The following STXBP5L variants were observed in gnomAD, a reference collection of about 807,000 sequenced individuals.
STXBP5L encodes syntaxin-binding protein 5-like.
STXBP5L carries 65 observed loss-of-function variants against 144.5 expected under a neutral mutation model. The observed-to-expected ratio is 0.45, with a 90% CI of 0.37 to 0.55. The LOEUF (loss-of-function observed/expected upper bound fraction) is 0.55. Ranked by LOEUF, STXBP5L falls within the 20% of genes least tolerant of loss-of-function variation. STXBP5L has a pLI of 0.00. For synonymous variants in STXBP5L, 505 were observed against 469.6 expected, an observed-to-expected ratio of 1.08 and a Z score of -0.97; for missense variants, 1,298 against 1,405.5, an observed-to-expected ratio of 0.92 and a Z score of 1.22.
At chr3:121,387,402 A>G (rs1008994520) in intron 22 of STXBP5L, among the ~76,000 whole-genome samples, 4 of 152,122 alleles carry the variant, frequency 2.6e-5, no homozygotes, top group African/African-American at 9.7e-5. Context: ...GAAGGTCTTT[A>G]GTTTAATTAG....
Position 121,407,609 on chromosome 3 carries a change from T to G in STXBP5L, c.2948+6T>G, listed in dbSNP as rs775276746. ...GGACATATCATGATAATGAGGTACT[T>G]GCCTTCTTATAAATTATCTGGTAAT... On this transcript the variant is annotated splice_donor_region_variant and intron_variant, in intron 23 of 26. Transcript: ENST00000471454. The G allele has an allele frequency of 6.2e-7, 1 of 1,612,856 alleles. No individual in the cohort carries two copies. Among genetic ancestry groups the G allele is most frequent in the South Asian group, 1.1e-5 (1 of 91,032 alleles).
intron 3 of STXBP5L, among the ~76,000 whole-genome samples, chr3:120,973,098 T>A (rs1940468520): frequency 6.6e-6 from 1 of 152,048 alleles, no homozygotes; most frequent in South Asian, 2.1e-4. Flanking sequence ...GAATGAGTTA[T>A]GTAGGATTCC....
chr3:121,301,003 C>T (rs556554124), intron 19 of STXBP5L, among the ~76,000 whole-genome samples: 20 of 152,228 alleles, frequency 1.3e-4, no homozygotes, highest in African/African-American at 4.1e-4. Context: ...TTTGTTCTTT[C>T]GGCTTAGGAT....
At chr3:121,350,337 A>C (rs952792387) in intron 20 of STXBP5L, among the ~76,000 whole-genome samples, 2 of 152,092 alleles carry the variant, frequency 1.3e-5, no homozygotes, top group Non-Finnish European at 2.9e-5. Context: ...AGCTGTTAGT[A>C]TGATGGGCTT....
chr3:120,938,572 A>G (rs1710389800), intron 2 of STXBP5L, among the ~76,000 whole-genome samples: 1 of 152,150 alleles, frequency 6.6e-6, no homozygotes, highest in African/African-American at 2.4e-5. Context: ...CCTTTAACTC[A>G]ATGGTTGATC....
chr3:121,022,868 C>T (rs573209237), intron 3 of STXBP5L, among the ~76,000 whole-genome samples: 1 of 152,178 alleles, frequency 6.6e-6, no homozygotes, highest in Admixed American at 6.5e-5. Context: ...CCCACTTTTA[C>T]CACTTCTAGT....
intron 20 of STXBP5L, among the ~76,000 whole-genome samples, chr3:121,321,462 C>G (rs73855369): frequency 1.3e-5 from 2 of 152,208 alleles, no homozygotes; most frequent in African/African-American, 4.8e-5. Context: ...TTATTATTTC[C>G]AAAATTCAAT....
At chr3:121,373,797 T>G (rs2046101987) in intron 20 of STXBP5L, among the ~76,000 whole-genome samples, 1 of 152,102 alleles carries the variant, frequency 6.6e-6, no homozygotes, top group Non-Finnish European at 1.5e-5. Context: ...TGCCACCCAG[T>G]GGCCTGCAGA....
intron 10 of STXBP5L, among the ~76,000 whole-genome samples, chr3:121,209,131 A>G (rs188957229): frequency 6.6e-6 from 1 of 152,164 alleles, no homozygotes; most frequent in South Asian, 2.1e-4. Flanking sequence ...GTATTATTCC[A>G]TGGTGTATAT....
intron 3 of STXBP5L, among the ~76,000 whole-genome samples, chr3:121,032,555 G>A (rs1182057306): frequency 6.7e-6 from 1 of 149,452 alleles, no homozygotes; most frequent in Non-Finnish European, 1.5e-5. Flanking sequence ...GGCAACAAAA[G>A]CCAAAATTGA....
At chr3:121,286,139 T>TA (rs1559936436) in intron 19 of STXBP5L, among the ~76,000 whole-genome samples, 1 of 152,180 alleles carries the variant, frequency 6.6e-6, no homozygotes, top group Non-Finnish European at 1.5e-5. Context: ...AATTTCTAGT[T>TA]ATGCAACAAG....
intron 3 of STXBP5L, among the ~76,000 whole-genome samples, chr3:121,001,675 G>T (rs138341965): frequency 6.6e-6 from 1 of 152,238 alleles, no homozygotes; most frequent in East Asian, 1.9e-4. Flanking sequence ...CTTTCTCCAG[G>T]AGCTTCGTGG....
chr3:121,331,814 AT>A (rs1394280776), intron 20 of STXBP5L, among the ~76,000 whole-genome samples: 2 of 152,180 alleles, frequency 1.3e-5, no homozygotes, highest in East Asian at 3.9e-4. Flanking sequence ...GGGGAAAAAA[AT>A]AACTAAATAA....
chr3:121,221,031 A>T (rs1307864513), intron 10 of STXBP5L, among the ~76,000 whole-genome samples: 2 of 151,950 alleles, frequency 1.3e-5, no homozygotes, highest in Non-Finnish European at 2.9e-5. Context: ...AGTCTGGTAG[A>T]TCTCAATTTT....
chr3:121,421,698 A>G lies in STXBP5L; in HGVS notation c.*2601A>G, dbSNP rs559944180. On this transcript the variant is annotated 3_prime_UTR_variant, in exon 27 of 27. Coordinates refer to ENST00000471454, the MANE Select transcript of STXBP5L (RefSeq NM_001308330.2). ...AAGCTTATAGGAATCAGTGAAAAAT[A>G]ACAACTACAGAATATTTTAAGGCAC... The G allele has an allele frequency of 6.6e-6, 1 of 152,362 alleles. No homozygotes were observed. The highest frequency in any genetic ancestry group is 2.4e-5 in the African/African-American group (1 of 41,598). 9.4% of individuals were successfully genotyped at this position (152,362 alleles called of 1,614,324 possible).
At chr3:121,134,590 G>A (rs1006440036) in intron 7 of STXBP5L, among the ~76,000 whole-genome samples, 7 of 150,608 alleles carry the variant, frequency 4.6e-5, no homozygotes, top group Non-Finnish European at 7.4e-5. Flanking sequence ...GGTGTGTGAT[G>A]TTCCCCTTCC....
At chr3:121,054,901 G>T (rs78629447) in intron 5 of STXBP5L, among the ~76,000 whole-genome samples, 18,229 of 151,878 alleles carry the variant, frequency 0.12, 1,149 homozygotes, top group Non-Finnish European at 0.14. Flanking sequence ...TATGTGGATG[G>T]ACAGAGTGTT....
intron 3 of STXBP5L, among the ~76,000 whole-genome samples, chr3:120,985,251 A>T (rs1374743188): frequency 6.6e-6 from 1 of 152,028 alleles, no homozygotes; most frequent in Non-Finnish European, 1.5e-5. Flanking sequence ...ATCCTTCTTT[A>T]AATGTTTGTT....
chr3:120,990,416 C>T (rs961769243), intron 3 of STXBP5L, among the ~76,000 whole-genome samples: 1 of 152,174 alleles, frequency 6.6e-6, no homozygotes, highest in Non-Finnish European at 1.5e-5. Context: ...CCATCCCCAT[C>T]AAGCTACCAA....
Sources: allele counts gnomAD v4.1 joint callset (sites outside exome capture counted in the v4.1 genomes callset), GRCh38; gene constraint gnomAD v4.1.1; transcripts MANE v1.5; gene names NCBI Gene and HGNC (gene_info 2026-07-23, HGNC 2026-07-21).